Variants in BRINP1 observed in about 807,000 individuals in gnomAD.
BRINP1 encodes BMP/retinoic acid inducible neural specific 1.
In BRINP1, 17 loss-of-function variants were observed where a neutral mutation model predicts 72.9. The observed-to-expected ratio is 0.23, with a 90% CI of 0.16 to 0.35. The LOEUF (loss-of-function observed/expected upper bound fraction) is 0.35. Among genes scored for constraint, BRINP1 ranks in the 10% least tolerant of loss-of-function variants. BRINP1 has a pLI of 1.00. For missense variants in BRINP1, 850 were observed against 1,001.6 expected (o/e 0.85, Z 2.04); for synonymous variants, 418 against 378.5 (o/e 1.10, Z -1.21).
At chr9:119,193,959 A>G (rs1564213914) in intron 7 of BRINP1, among the ~76,000 whole-genome samples, 1 of 152,010 alleles carries the variant, frequency 6.6e-6, no homozygotes, top group Non-Finnish European at 1.5e-5. Flanking sequence ...TCCCTTTTGT[A>G]CCTCTGAGAT....
chr9:119,356,059 A>G (rs1564256541), intron 1 of BRINP1, among the ~76,000 whole-genome samples: 1 of 152,174 alleles, frequency 6.6e-6, no homozygotes, highest in African/African-American at 2.4e-5. Context: ...CCCTGCTTTC[A>G]CAATAATGTA....
chr9:119,172,676 C>A (rs1156352431), intron 7 of BRINP1, among the ~76,000 whole-genome samples: 1 of 151,038 alleles, frequency 6.6e-6, no homozygotes, highest in Non-Finnish European at 1.5e-5. Context: ...GAGACACAAC[C>A]AAAAAAGAGA....
chr9:119,309,321 C>G (rs191942446), intron 2 of BRINP1, among the ~76,000 whole-genome samples: 18 of 152,194 alleles, frequency 1.2e-4, no homozygotes, highest in Admixed American at 7.9e-4. Context: ...TAACTAAGAA[C>G]CAGGGAGAGT....
intron 3 of BRINP1, 137 bp from the exon 4 acceptor site, chr9:119,242,353 A>G (rs962273411): frequency 1.4e-6 from 1 of 710,726 alleles, no homozygotes; most frequent in Non-Finnish European, 2.3e-6. Flanking sequence ...CTAAAAATCA[A>G]AGGCACAATG....
intron 2 of BRINP1, among the ~76,000 whole-genome samples, chr9:119,285,500 C>G (rs977571464): frequency 6.6e-6 from 1 of 152,204 alleles, no homozygotes; most frequent in African/African-American, 2.4e-5. Flanking sequence ...TGAACTTCCT[C>G]AAGGTCCACA....
At position 119,293,922 on chromosome 9, in the gene BRINP1, T is replaced by C. The variant is rs148624970; in HGVS notation, c.218+19216A>G. ...TAGCTGAGTAATTAGACAAGAAAAATTAAATACATAAAAGTAATAAAAGTA... is the reference window on the plus strand; with the variant it reads ...TAGCTGAGTAATTAGACAAGAAAAACTAAATACATAAAAGTAATAAAAGTA... On this transcript the variant is annotated intron_variant, in intron 2 of 7. Coordinates refer to ENST00000265922, the MANE Select transcript of BRINP1 (RefSeq NM_014618.3). Among the ~76,000 whole-genome samples, 432 of 151,932 alleles carry C rather than the reference T, an allele frequency of 2.8e-3. 5 individuals carry two copies. The highest frequency in any genetic ancestry group is 0.017 in the Middle Eastern group (5 of 294).
At chr9:119,278,108 G>A (rs577096190) in intron 2 of BRINP1, among the ~76,000 whole-genome samples, 1 of 152,282 alleles carries the variant, frequency 6.6e-6, no homozygotes, top group Admixed American at 6.5e-5. Flanking sequence ...GCACTTGGAT[G>A]AGGTAGACAA....
Position 119,357,464 on chromosome 9 carries a change from C to T in BRINP1, c.-51+11592G>A, listed in dbSNP as rs964443270. On this transcript the variant is annotated intron_variant, in intron 1 of 7. Coordinates refer to ENST00000265922, the MANE Select transcript of BRINP1 (RefSeq NM_014618.3). ...GCTGTGGCCCAGAGTTAGAAAGCAGCTCATTCTATAACTACTGATCCTGGT... is the reference window on the plus strand; with the variant it reads ...GCTGTGGCCCAGAGTTAGAAAGCAGTTCATTCTATAACTACTGATCCTGGT... 2.6e-5 allele frequency among the ~76,000 whole-genome samples: 4 copies of T among 152,320 alleles called. No homozygotes were observed. The East Asian group carries it at 7.7e-4, about 29-fold the overall frequency.
chr9:119,207,162 G>C (rs1452100771), intron 7 of BRINP1, among the ~76,000 whole-genome samples: 2 of 152,094 alleles, frequency 1.3e-5, no homozygotes, highest in Non-Finnish European at 2.9e-5. Flanking sequence ...AGTACAATCA[G>C]GAAAGACTTC....
In BRINP1 at chr9:119,258,733, T is replaced by C. The variant is rs189135389; in HGVS notation, c.219-9583A>G. Among the ~76,000 whole-genome samples, 237 of 152,290 alleles carry C rather than the reference T, an allele frequency of 1.6e-3. 3 individuals carry two copies. The highest frequency in any genetic ancestry group is 0.015 in the Admixed American group (228 of 15,306). On this transcript the variant is annotated intron_variant, in intron 2 of 7. Transcript: ENST00000265922. ...TACTCTGACCCACTGTCTTATTCCA[T>C]TTTCTTGACTTTGTGGGGTCTGTCA...
intron 7 of BRINP1, among the ~76,000 whole-genome samples, chr9:119,190,697 C>T (rs925096465): frequency 6.6e-6 from 1 of 151,902 alleles, no homozygotes; most frequent in African/African-American, 2.4e-5. Context: ...GACCAGATGG[C>T]TTCATGGCTC....
chr9:119,228,123 C>T (rs537703452), intron 5 of BRINP1, among the ~76,000 whole-genome samples: 1 of 151,866 alleles, frequency 6.6e-6, no homozygotes, highest in Non-Finnish European at 1.5e-5. Context: ...CCTGTCCTCT[C>T]CCTCTACCCC....
chr9:119,245,375 G>T (rs763195167), intron 3 of BRINP1, among the ~76,000 whole-genome samples: 1 of 152,292 alleles, frequency 6.6e-6, no homozygotes. Context: ...TTACACAGAT[G>T]TACTTCCATG....
chr9:119,300,537 A>T (rs964630339), intron 2 of BRINP1, among the ~76,000 whole-genome samples: 1 of 152,204 alleles, frequency 6.6e-6, no homozygotes, highest in African/African-American at 2.4e-5. Flanking sequence ...AAATTAAAAA[A>T]TAAAAAATAA....
intron 7 of BRINP1, among the ~76,000 whole-genome samples, chr9:119,175,230 A>T (rs564157423): frequency 3.0e-4 from 46 of 152,270 alleles, no homozygotes; most frequent in Middle Eastern, 3.4e-3. Context: ...ACATGGATTA[A>T]GCTGGAAACC....
intron 1 of BRINP1, among the ~76,000 whole-genome samples, chr9:119,342,585 A>C (rs1438135084): frequency 6.6e-6 from 1 of 152,226 alleles, no homozygotes; most frequent in Non-Finnish European, 1.5e-5. Context: ...ATGTCTCCAC[A>C]AAATGGGAGC....
At chr9:119,227,510 A>C (rs1048803668) in intron 5 of BRINP1, among the ~76,000 whole-genome samples, 3 of 152,008 alleles carry the variant, frequency 2.0e-5, no homozygotes, top group African/African-American at 7.2e-5. Context: ...CTCATTTTTC[A>C]TGAAGACACG....
intron 2 of BRINP1, among the ~76,000 whole-genome samples, chr9:119,289,063 G>C (rs1830797448): frequency 6.6e-6 from 1 of 152,214 alleles, no homozygotes; most frequent in African/African-American, 2.4e-5. Context: ...GCCTCCCAAA[G>C]TGCTGGGGTT....
chr9:119,243,884 A>G (rs1356944317), intron 3 of BRINP1, among the ~76,000 whole-genome samples: 1 of 152,138 alleles, frequency 6.6e-6, no homozygotes, highest in African/African-American at 2.4e-5. Context: ...AAGGTAAGGG[A>G]GTGCACAGAA....
Sources: gnomAD v4.1 joint callset for allele counts (sites outside exome capture counted in the v4.1 genomes callset) on GRCh38, gnomAD v4.1.1 for gene constraint, MANE v1.5 for transcripts, NCBI Gene and HGNC (gene_info 2026-07-23, HGNC 2026-07-21) for gene names.